TRIM41: variants seen among roughly 807,000 people sequenced by gnomAD.
TRIM41 encodes the protein E3 ubiquitin-protein ligase TRIM41.
In TRIM41, 21 loss-of-function variants were observed where a neutral mutation model predicts 60.6. The observed-to-expected ratio is 0.35, with a 90% CI of 0.25 to 0.50. The LOEUF (loss-of-function observed/expected upper bound fraction) is 0.50, where lower values mean the gene tolerates loss of function less well. Among genes scored for constraint, TRIM41 ranks in the 20% least tolerant of loss-of-function variants. The pLI, the probability that TRIM41 is intolerant of heterozygous loss-of-function variation, is 0.98. For missense variants in TRIM41, 846 were observed against 868.3 expected, an observed-to-expected ratio of 0.97 and a Z score of 0.32; for synonymous variants, 407 against 344.9, an observed-to-expected ratio of 1.18 and a Z score of -2.00.
chr5:181,231,050 A>G (rs978617792), intron 2 of TRIM41: 1 of 435,876 alleles, frequency 2.3e-6, no homozygotes, highest in African/African-American at 2.0e-5. Flanking sequence ...TGGAGTGGAA[A>G]CTGAGGCCTG....
At chr5:181,224,848 G>T (rs777321218) in intron 1 of TRIM41, 36 bp downstream of exon 1, 122 of 1,612,952 alleles carry the variant, frequency 7.6e-5, no homozygotes, top group Non-Finnish European at 1.0e-4. Context: ...GGAGTTTAGT[G>T]GGGGGATGGA....
Position 181,235,198 on chromosome 5 carries a change from C to T in TRIM41, c.*423C>T, listed in dbSNP as rs1759045527. 1 of 1,547,422 alleles carries T rather than the reference C, an allele frequency of 6.5e-7. No homozygotes were observed. The highest frequency in any genetic ancestry group is 8.7e-7 in the Non-Finnish European group (1 of 1,143,524). ...TTTGGGCAAGGCAACATCCCCATTC[C>T]AATTCCATTTTCTGATGCAGATTTT... On this transcript the variant is annotated 3_prime_UTR_variant, in exon 6 of 6. Coordinates refer to ENST00000315073, the MANE Select transcript of TRIM41 (RefSeq NM_033549.5).
rs1025650028 is a variant in TRIM41, at chr5:181,234,728, T to C, written c.1846T>C (p.Phe616Leu). 4.3e-6 allele frequency: 7 copies of C among 1,613,770 alleles called. No homozygotes were observed. The highest frequency in any genetic ancestry group is 5.9e-6 in the Non-Finnish European group (7 of 1,179,822). Reference protein sequence around the residue: ...AAFLGERVFPFFRVLSKGTRI... With the variant: ...AAFLGERVFPLFRVLSKGTRI... ...CTTCCTGGGCGAGCGTGTCTTTCCT[T>C]TCTTCCGGGTGCTCTCCAAGGGCAC... The change falls in exon 6 of 6, where the codon TTC (phenylalanine) becomes CTC (leucine). Residue 616 changes from phenylalanine (F) to leucine (L), a missense_variant. Transcript: ENST00000315073. This position sits in a 1 kb window ranked among gnomAD's most constrained non-coding sequence, Gnocchi z 5.6.
chr5:181,235,716 C>CT lies in TRIM41; in HGVS notation c.*944dup, dbSNP rs1759085171. On this transcript the variant is annotated 3_prime_UTR_variant, in exon 6 of 6. Transcript: ENST00000315073. ...GAGCCTCTTGCCTTGTCACTTGCAG[C>CT]TTTCGCCCTCTGCTTTGATGGCTGA... 3.2e-6 allele frequency: 1 copy of CT among 310,532 alleles called. No homozygotes were observed. Among genetic ancestry groups the CT allele is most frequent in the Non-Finnish European group, 6.1e-6 (1 of 162,606 alleles). The allele number at this position is 310,532 out of a possible 1,614,324, so 19.2% of individuals were successfully genotyped here. A position where few individuals can be genotyped will look rare whatever the true frequency, so the allele number is the denominator to read the frequency against.
Position 181,234,855 on chromosome 5 carries a change from C to T in TRIM41, c.*80C>T. 1.2e-6 allele frequency: 2 copies of T among 1,610,048 alleles called. No homozygotes were observed. The highest frequency in any genetic ancestry group is 1.7e-6 in the Non-Finnish European group (2 of 1,178,886). On this transcript the variant is annotated 3_prime_UTR_variant, in exon 6 of 6. Transcript: ENST00000315073. The surrounding 1 kb of genome is among the most constrained non-coding windows in gnomAD (Gnocchi z 5.6). ...AGGGTGGCCCGTAAGTTTGAGGGCTCAAAGGCTCTTCCCACTGCTTGTTAC... is the reference window on the plus strand; with the variant it reads ...AGGGTGGCCCGTAAGTTTGAGGGCTTAAAGGCTCTTCCCACTGCTTGTTAC...
chr5:181,224,853 G>A (rs182515966), intron 1 of TRIM41, 41 bp downstream of exon 1: 12 of 1,612,780 alleles, frequency 7.4e-6, no homozygotes, highest in Non-Finnish European at 9.3e-6. Context: ...TTAGTGGGGG[G>A]ATGGAGAGGA....
intron 1 of TRIM41, chr5:181,230,489 T>C (rs1758744417): frequency 6.0e-6 from 1 of 166,178 alleles, no homozygotes; most frequent in Non-Finnish European, 9.9e-6. Context: ...AGAGCGAGAC[T>C]CTGTCTCAAA....
At chr5:181,231,039 A>C in intron 2 of TRIM41, 200 bp downstream of exon 2, 1 of 450,394 alleles carries the variant, frequency 2.2e-6, no homozygotes, top group Non-Finnish European at 4.2e-6. Context: ...TGGTTCCAAA[A>C]TGGAGTGGAA....
intron 1 of TRIM41, 199 bp from the exon 2 acceptor site, chr5:181,230,545 A>G: frequency 3.5e-6 from 1 of 289,026 alleles, no homozygotes. Context: ...GGGCTTCTGC[A>G]GACGTGCACA....
In TRIM41 at chr5:181,235,498, C is replaced by G; in HGVS notation, c.*723C>G. The G allele has an allele frequency of 6.8e-7, 1 of 1,476,920 alleles. No individual in the cohort carries two copies. Among genetic ancestry groups the G allele is most frequent in the Non-Finnish European group, 9.2e-7 (1 of 1,082,874 alleles). The allele number at this position is 1,476,920 out of a possible 1,614,324, so 91.5% of individuals were successfully genotyped here. On this transcript the variant is annotated 3_prime_UTR_variant, in exon 6 of 6. Transcript: ENST00000315073. The stretch of plus-strand genomic sequence containing the variant: ...CCTTTTCCAGCACTCAACCAAGGAG[C>G]AAAGCTCATCCCACCCCACACCCCT...
In TRIM41 at chr5:181,223,343, C is replaced by G. The variant is rs1371765983; in HGVS notation, c.-657C>G. 1 of 399,658 alleles carries G rather than the reference C, an allele frequency of 2.5e-6. No homozygotes were observed. The highest frequency in any genetic ancestry group is 4.4e-6 in the Non-Finnish European group (1 of 226,898). The allele number at this position is 399,658 out of a possible 1,614,324, so 24.8% of individuals were successfully genotyped here. On this transcript the variant is annotated 5_prime_UTR_variant, in exon 1 of 6. Coordinates refer to ENST00000315073, the MANE Select transcript of TRIM41 (RefSeq NM_033549.5). Reference sequence around the variant, plus strand: ...CGGCTGTGCCGGGAGGGTAGGATGGCGTCTGGCCGATGCGGTGATAGCACC... The same window carrying G: ...CGGCTGTGCCGGGAGGGTAGGATGGGGTCTGGCCGATGCGGTGATAGCACC...
Position 181,234,298 on chromosome 5 carries a change from C to A in TRIM41, c.1416C>A (p.Asp472Glu), listed in dbSNP as rs1161720873. The A allele has an allele frequency of 1.9e-6, 3 of 1,612,458 alleles. No individual in the cohort carries two copies. Among genetic ancestry groups the A allele is most frequent in the African/African-American group, 2.7e-5 (2 of 74,918 alleles). The change falls in exon 6 of 6, where the codon GAC becomes GAA. Residue 472 changes from aspartate (D) to glutamate (E), a missense_variant. Coordinates refer to ENST00000315073, the MANE Select transcript of TRIM41 (RefSeq NM_033549.5). The surrounding 1 kb of genome is among the most constrained non-coding windows in gnomAD (Gnocchi z 5.6). ...VADHPKRFSA[D>E]CCVLGAQGFR... ...ACCATCCCAAGCGCTTCTCGGCCGA[C>A]TGCTGCGTACTGGGGGCCCAGGGCT...
Position 181,223,673 on chromosome 5 carries a change from A to G in TRIM41, c.-327A>G. The G allele has an allele frequency of 2.1e-6, 1 of 481,198 alleles. No individual in the cohort carries two copies. The highest frequency in any genetic ancestry group is 3.7e-6 in the Non-Finnish European group (1 of 273,216). The allele number at this position is 481,198 out of a possible 1,614,324, so 29.8% of individuals were successfully genotyped here. ...AGTGTTGGGAAGGAGGCCGGAAGCT[A>G]GGGGCGGGGCCAGGAAGTGAGGAGG... On this transcript the variant is annotated 5_prime_UTR_variant, in exon 1 of 6. Coordinates refer to ENST00000315073, the MANE Select transcript of TRIM41 (RefSeq NM_033549.5).
Position 181,235,563 on chromosome 5 carries a change from C to A in TRIM41, c.*788C>A. ...CTGCCAGGCTCCTCTCCCCTTTGTT[C>A]AGTGGAGCTGGCTTTTCTCCCAGCC... On this transcript the variant is annotated 3_prime_UTR_variant, in exon 6 of 6. Coordinates refer to ENST00000315073, the MANE Select transcript of TRIM41 (RefSeq NM_033549.5). The A allele has an allele frequency of 1.1e-6, 1 of 888,768 alleles. No individual in the cohort carries two copies. The allele number at this position is 888,768 out of a possible 1,614,324, so 55.1% of individuals were successfully genotyped here.
chr5:181,233,232 T>C lies in TRIM41; in HGVS notation c.1141-181T>C. 1.3e-6 allele frequency: 1 copy of C among 764,756 alleles called. No individual in the cohort carries two copies. The highest frequency in any genetic ancestry group is 2.3e-6 in the Non-Finnish European group (1 of 427,660). The allele number at this position is 764,756 out of a possible 1,614,324, so 47.4% of individuals were successfully genotyped here. A position where few individuals can be genotyped will look rare whatever the true frequency, so the allele number is the denominator to read the frequency against. ...TCACAGCAGGATGAGGCGAGTTAGG[T>C]ATGGCGAGGCATGGGGTGGTTGAAA... On this transcript the variant is annotated intron_variant, in intron 3 of 5. Transcript: ENST00000315073. This position sits in a 1 kb window ranked among gnomAD's most constrained non-coding sequence, Gnocchi z 4.1.
chr5:181,234,211 C>T lies in TRIM41; in HGVS notation c.1329C>T (p.Ala443=), dbSNP rs756375048. Residue 443 remains alanine (A), a synonymous_variant, in exon 6 of 6, where the codon GCC becomes GCT. Transcript: ENST00000315073. The surrounding 1 kb of genome is among the most constrained non-coding windows in gnomAD (Gnocchi z 5.6). The part of the protein sequence containing the change: ...LTLDPDTAHP[A]LMLSPDRRGV... ...TGGACCCTGACACGGCTCACCCGGC[C>T]CTGATGCTGTCCCCTGACCGCCGGG... The T allele has an allele frequency of 3.8e-5, 61 of 1,613,078 alleles. 1 individual carries two copies. In the East Asian group the frequency reaches 6.5e-4, roughly 17 times the overall value.
At position 181,235,435 on chromosome 5, in the gene TRIM41, C is replaced by T; in HGVS notation, c.*660C>T. ...ACCACGCACCATTACATCATCATTACATTAATTACATCAACATAAATTATT... is the reference window on the plus strand; with the variant it reads ...ACCACGCACCATTACATCATCATTATATTAATTACATCAACATAAATTATT... On this transcript the variant is annotated 3_prime_UTR_variant, in exon 6 of 6. Transcript: ENST00000315073. The T allele has an allele frequency of 6.2e-7, 1 of 1,612,416 alleles. No homozygotes were observed. Among genetic ancestry groups the T allele is most frequent in the East Asian group, 2.2e-5 (1 of 44,872 alleles).
At chr5:181,227,801 T>G (rs1582272539) in intron 1 of TRIM41, 1 of 152,246 alleles carries the variant, frequency 6.6e-6, no homozygotes, top group East Asian at 1.9e-4. Flanking sequence ...GTTTTGTTTT[T>G]TTTGAGACAG....
Position 181,234,397 on chromosome 5 carries a change from A to G in TRIM41, c.1515A>G (p.Glu505=). 3.9e-6 allele frequency: 6 copies of G among 1,557,248 alleles called. No individual in the cohort carries two copies. Among genetic ancestry groups the G allele is most frequent in the Non-Finnish European group, 5.2e-6 (6 of 1,151,548 alleles). Residue 505 remains glutamate, a synonymous_variant, in exon 6 of 6, where the codon GAA becomes GAG. Coordinates refer to ENST00000315073, the MANE Select transcript of TRIM41 (RefSeq NM_033549.5). The surrounding 1 kb of genome is among the most constrained non-coding windows in gnomAD (Gnocchi z 5.6). ...GCTGGGCGGTGGGTGCTGCCCGTGA[A>G]TCAACCCATCATAAGGAAAAGGTGG... ...RRGWAVGAAR[E]STHHKEKVGP... is the part of the protein sequence containing the mutation.
Sources: gnomAD v4.1 joint callset for allele counts on GRCh38, gnomAD v4.1.1 for gene constraint, Gnocchi (gnomAD v3.1) non-coding constraint, MANE v1.5 for transcripts, NCBI Gene and HGNC (gene_info 2026-07-23, HGNC 2026-07-21) for gene names.